FRY: variants seen among roughly 807,000 people sequenced by gnomAD.
FRY encodes the protein FRY microtubule binding protein, also known as protein furry homolog.
FRY carries 128 observed loss-of-function variants against 348.4 expected under a neutral mutation model. The ratio of observed to expected loss-of-function variants is 0.37; its 90% CI spans 0.32 to 0.43. The LOEUF is 0.43. FRY is among the 20% of genes least tolerant of loss of function. The pLI is 1.00. For missense variants in FRY, 2,736 were observed against 3,695.2 expected, an observed-to-expected ratio of 0.74 and a Z score of 6.73; for synonymous variants, 1,370 against 1,374.7, an observed-to-expected ratio of 1.00 and a Z score of 0.08.
At chr13:32,123,738 T>C (rs1313825946) in intron 4 of FRY, among the ~76,000 whole-genome samples, 1 of 152,226 alleles carries the variant, frequency 6.6e-6, no homozygotes, top group Admixed American at 6.5e-5. Flanking sequence ...GTTAACATCA[T>C]TGAAAATTTT....
At chr13:32,273,591 G>A (rs182793222) in intron 55 of FRY, among the ~76,000 whole-genome samples, 1 of 152,194 alleles carries the variant, frequency 6.6e-6, no homozygotes, top group Non-Finnish European at 1.5e-5. Flanking sequence ...TAAGCTCTAA[G>A]ACAGAATTAG....
At chr13:32,181,266 T>A (rs897036344) in intron 23 of FRY, among the ~76,000 whole-genome samples, 1 of 152,034 alleles carries the variant, frequency 6.6e-6, no homozygotes, top group Non-Finnish European at 1.5e-5. Flanking sequence ...TTACTAGTTA[T>A]TGGTTAATTA....
At chr13:32,204,893 G>A (rs1291081960) in intron 31 of FRY, among the ~76,000 whole-genome samples, 1 of 152,168 alleles carries the variant, frequency 6.6e-6, no homozygotes, top group African/African-American at 2.4e-5. Flanking sequence ...AACGTTCATA[G>A]TCTAGCAGAA....
chr13:32,202,080 A>G, intron 30 of FRY, 40 bp downstream of exon 30: 2 of 1,167,640 alleles, frequency 1.7e-6, no homozygotes, highest in East Asian at 2.3e-5. Context: ...TCCATCCTTG[A>G]GTACAGAAAA....
chr13:32,282,498 T>A (rs1051346790), intron 58 of FRY, among the ~76,000 whole-genome samples: 1 of 152,236 alleles, frequency 6.6e-6, no homozygotes. Context: ...AATAAAGATA[T>A]CAGTCTGTCA....
chr13:32,174,765 A>G (rs773600286), intron 19 of FRY, among the ~76,000 whole-genome samples: 25 of 152,182 alleles, frequency 1.6e-4, no homozygotes, highest in Non-Finnish European at 3.1e-4. Flanking sequence ...ACAGAAATAG[A>G]GACATCCCAA....
At chr13:32,174,474 G>A (rs1882263305) in intron 19 of FRY, among the ~76,000 whole-genome samples, 1 of 152,144 alleles carries the variant, frequency 6.6e-6, no homozygotes, top group African/African-American at 2.4e-5. Flanking sequence ...TGTGCTAAGT[G>A]CTTTATAAAT....
At chr13:32,282,158 G>A (rs1203268992) in intron 58 of FRY, among the ~76,000 whole-genome samples, 1 of 152,040 alleles carries the variant, frequency 6.6e-6, no homozygotes, top group Non-Finnish European at 1.5e-5. Flanking sequence ...CTACCATTTG[G>A]CCTCCAACCC....
At chr13:32,119,210 A>G (rs970626795) in intron 4 of FRY, among the ~76,000 whole-genome samples, 4 of 152,180 alleles carry the variant, frequency 2.6e-5, no homozygotes, top group African/African-American at 9.7e-5. Flanking sequence ...GAAGCTCTCT[A>G]GGGTATGGTG....
intron 4 of FRY, among the ~76,000 whole-genome samples, chr13:32,120,177 C>T (rs1004350646): frequency 2.0e-5 from 3 of 152,032 alleles, no homozygotes; most frequent in Non-Finnish European, 4.4e-5. Flanking sequence ...ATGCTAAATA[C>T]TTTACATGTT....
intron 22 of FRY, 94 bp from the exon 23 acceptor site, chr13:32,179,581 T>G: frequency 8.1e-7 from 1 of 1,240,758 alleles, no homozygotes; most frequent in Non-Finnish European, 1.2e-6. Context: ...TATGGTTCAG[T>G]ACTTTGAAAC....
At chr13:32,069,137 G>A (rs1429123062) in intron 1 of FRY, among the ~76,000 whole-genome samples, 4 of 151,844 alleles carry the variant, frequency 2.6e-5, no homozygotes, top group East Asian at 3.9e-4. Context: ...GGATGGTCTC[G>A]ATCTCCTGAC....
chr13:32,241,329 A>C (rs1170638586), intron 46 of FRY, among the ~76,000 whole-genome samples: 3 of 152,252 alleles, frequency 2.0e-5, no homozygotes, highest in Non-Finnish European at 4.4e-5. Flanking sequence ...TTATTCAGGA[A>C]GAAATTCTGA....
intron 4 of FRY, 124 bp from the exon 5 acceptor site, chr13:32,124,162 C>G: frequency 1.4e-6 from 1 of 693,312 alleles, no homozygotes; most frequent in East Asian, 2.7e-5. Context: ...TCTACCAGTG[C>G]AATTATATAA....
At chr13:32,199,082 AG>A (rs901761812) in intron 29 of FRY, among the ~76,000 whole-genome samples, 1 of 152,240 alleles carries the variant, frequency 6.6e-6, no homozygotes, top group African/African-American at 2.4e-5. Context: ...GACATTTATT[AG>A]GGTGGGCCCT....
chr13:32,090,469 G>C (rs940600041), intron 2 of FRY, among the ~76,000 whole-genome samples: 14 of 152,244 alleles, frequency 9.2e-5, no homozygotes, highest in African/African-American at 3.1e-4. Flanking sequence ...GAAGAGAAGG[G>C]AAGGGTGGAA....
intron 4 of FRY, among the ~76,000 whole-genome samples, chr13:32,117,868 G>T (rs1878401310): frequency 6.6e-6 from 1 of 152,136 alleles, no homozygotes; most frequent in African/African-American, 2.4e-5. Flanking sequence ...GTACTGTAGT[G>T]GGAAGGACGC....
chr13:32,058,559 G>A (rs111453337), intron 1 of FRY, among the ~76,000 whole-genome samples: 16 of 152,288 alleles, frequency 1.1e-4, no homozygotes, highest in Non-Finnish European at 8.8e-5. Flanking sequence ...GCCATCAGCT[G>A]ACAGCTGTCA....
chr13:32,053,043 G>A (rs147890837), intron 1 of FRY, among the ~76,000 whole-genome samples: 2,775 of 152,016 alleles, frequency 0.018, 54 homozygotes, highest in African/African-American at 0.048. Context: ...AACCCGGGAG[G>A]CGGAGGTCGC....
Sources: allele counts gnomAD v4.1 joint callset (sites outside exome capture counted in the v4.1 genomes callset), GRCh38; gene constraint gnomAD v4.1.1; transcripts MANE v1.5; gene names NCBI Gene and HGNC (gene_info 2026-07-23, HGNC 2026-07-21).